NLGN4X: variants seen among roughly 807,000 people sequenced by gnomAD.
NLGN4X encodes the protein neuroligin-4, X-linked.
Under a neutral mutation model 40.3 loss-of-function variants are expected in NLGN4X, and 3 were observed. The ratio of observed to expected loss-of-function variants is 0.07; its 90% CI spans 0.03 to 0.19. The LOEUF is 0.19. NLGN4X is among the 10% of genes least tolerant of loss of function. The pLI, the probability that NLGN4X is intolerant of heterozygous loss-of-function variation, is 1.00. For synonymous variants in NLGN4X, 270 were observed against 306.8 expected, an observed-to-expected ratio of 0.88 and a Z score of 1.25; for missense variants, 382 against 708.3, an observed-to-expected ratio of 0.54 and a Z score of 5.23.
At chrX:6,027,811 GTAT>G (rs1183498834) in intron 3 of NLGN4X, among the ~76,000 whole-genome samples, 2 of 94,006 alleles carry the variant, frequency 2.1e-5, no homozygotes, top group African/African-American at 7.0e-5. Context: ...TTTATTACTA[GTAT>G]TATTATTATT....
intron 2 of NLGN4X, among the ~76,000 whole-genome samples, chrX:6,089,099 ATAG>A (rs1247131667): frequency 8.9e-6 from 1 of 112,483 alleles, no homozygotes; most frequent in Non-Finnish European, 1.9e-5. Flanking sequence ...TGTATTATCC[ATAG>A]TAGTAAGAAA....
Position 5,890,954 on chromosome X carries a change from G to C in NLGN4X, c.*1863C>G. ...GCCAGGCAGCTGGACAATTTTTATGGGGAATGTCCACTTTAGCGGAGAGAT... is the reference window on the plus strand; with the variant it reads ...GCCAGGCAGCTGGACAATTTTTATGCGGAATGTCCACTTTAGCGGAGAGAT... On this transcript the variant is annotated 3_prime_UTR_variant, in exon 6 of 6. Transcript: ENST00000381095. 1 of 313,021 alleles carries C rather than the reference G, an allele frequency of 3.2e-6. No homozygotes were observed. Among genetic ancestry groups the C allele is most frequent in the Non-Finnish European group, 6.1e-6 (1 of 164,291 alleles). The allele number at this position is 313,021 out of a possible 1,213,427, so 25.8% of individuals were successfully genotyped here.
intron 3 of NLGN4X, among the ~76,000 whole-genome samples, chrX:6,013,752 G>A (rs1385114039): frequency 9.0e-6 from 1 of 110,696 alleles, no homozygotes; most frequent in Non-Finnish European, 1.9e-5. Flanking sequence ...CAGCTTCTCA[G>A]GAGGGTGAGA....
intron 2 of NLGN4X, among the ~76,000 whole-genome samples, chrX:6,109,889 T>C (rs930548167): frequency 8.9e-5 from 10 of 111,959 alleles, no homozygotes; most frequent in Admixed American, 2.9e-4. Context: ...CTCCTAATTA[T>C]AGCAGTTAGG....
At chrX:6,093,027 C>T (rs1454058483) in intron 2 of NLGN4X, among the ~76,000 whole-genome samples, 1 of 100,277 alleles carries the variant, frequency 1.0e-5, no homozygotes, top group Non-Finnish European at 2.0e-5. Context: ...TCCAAAGGCA[C>T]AGAAACCATA....
intron 3 of NLGN4X, among the ~76,000 whole-genome samples, chrX:5,996,054 A>G (rs763720462): frequency 3.1e-4 from 34 of 107,978 alleles, no homozygotes; most frequent in Admixed American, 2.8e-3. Context: ...ACAGATACCT[A>G]AAAGTATCCT....
chrX:6,205,457 G>A (rs1923951820), intron 1 of NLGN4X, among the ~76,000 whole-genome samples: 1 of 112,265 alleles, frequency 8.9e-6, no homozygotes, highest in Non-Finnish European at 1.9e-5. Context: ...GTTAAAGAGG[G>A]TCGCATTAAT....
At chrX:6,010,513 T>TTTATTACTATTATTATTATTATTA in intron 3 of NLGN4X, among the ~76,000 whole-genome samples, 1 of 95,389 alleles carries the variant, frequency 1.0e-5, no homozygotes, top group East Asian at 3.4e-4. Context: ...TTCTTTTTAT[T>TTTATTACTATTATTATTATTATTA]TTATTATTAT....
chrX:6,100,909 T>C (rs180734490), intron 2 of NLGN4X, among the ~76,000 whole-genome samples: 100 of 111,229 alleles, frequency 9.0e-4, no homozygotes, highest in Middle Eastern at 9.2e-3. Flanking sequence ...TTTCTCCTCA[T>C]CCTTCTCAAT....
chrX:5,983,774 A>C (rs1335141736), intron 3 of NLGN4X, among the ~76,000 whole-genome samples: 1 of 111,658 alleles, frequency 9.0e-6, no homozygotes, highest in East Asian at 2.8e-4. Flanking sequence ...CTAGTCTCTA[A>C]AAAAATTTTA....
At chrX:6,182,189 G>T (rs967329152) in intron 1 of NLGN4X, among the ~76,000 whole-genome samples, 1 of 111,799 alleles carries the variant, frequency 8.9e-6, no homozygotes, top group Non-Finnish European at 1.9e-5. Context: ...GGAACTTAGG[G>T]CCAAATCACC....
intron 3 of NLGN4X, among the ~76,000 whole-genome samples, chrX:5,938,112 G>C (rs779991489): frequency 9.0e-6 from 1 of 111,676 alleles, no homozygotes; most frequent in Non-Finnish European, 1.9e-5. Flanking sequence ...TTTTGAGTGT[G>C]TGTATACATT....
intron 3 of NLGN4X, among the ~76,000 whole-genome samples, chrX:5,986,936 A>G (rs1318453817): frequency 1.8e-5 from 2 of 112,385 alleles, no homozygotes; most frequent in Non-Finnish European, 1.9e-5. Flanking sequence ...TATATAAACT[A>G]TACAGTTGAA....
chrX:6,056,498 T>C (rs1464203109), intron 2 of NLGN4X, among the ~76,000 whole-genome samples: 3 of 110,573 alleles, frequency 2.7e-5, no homozygotes, highest in African/African-American at 6.6e-5. Context: ...AGATAAAACA[T>C]AGATCAACAT....
chrX:6,017,887 A>G (rs1159998413), intron 3 of NLGN4X, among the ~76,000 whole-genome samples: 2 of 111,829 alleles, frequency 1.8e-5, no homozygotes, highest in Non-Finnish European at 3.8e-5. Context: ...TGTAAGTGTT[A>G]TAAGTATGTT....
chrX:6,030,721 C>T (rs1300290066), intron 2 of NLGN4X, among the ~76,000 whole-genome samples: 2 of 111,343 alleles, frequency 1.8e-5, no homozygotes, highest in Admixed American at 9.6e-5. Context: ...ATTTAATCCA[C>T]GGCAGAAAAG....
chrX:6,181,567 TG>T (rs1243335214), intron 1 of NLGN4X, among the ~76,000 whole-genome samples: 1 of 111,426 alleles, frequency 9.0e-6, no homozygotes, highest in African/African-American at 3.3e-5. Context: ...AGAAGCTTCT[TG>T]CTAATAGGGA....
intron 3 of NLGN4X, among the ~76,000 whole-genome samples, chrX:5,928,752 T>C (rs1380109738): frequency 8.9e-6 from 1 of 111,975 alleles, no homozygotes; most frequent in African/African-American, 3.2e-5. Context: ...AAAGATATCA[T>C]ACGGATAGAA....
chrX:5,944,786 T>C (rs897682847), intron 3 of NLGN4X, among the ~76,000 whole-genome samples: 3 of 111,851 alleles, frequency 2.7e-5, no homozygotes, highest in Non-Finnish European at 5.6e-5. Flanking sequence ...TCATTACTTT[T>C]GACAAGATAA....
Sources: allele counts gnomAD v4.1 joint callset (sites outside exome capture counted in the v4.1 genomes callset), GRCh38; gene constraint gnomAD v4.1.1; transcripts MANE v1.5; gene names NCBI Gene and HGNC (gene_info 2026-07-23, HGNC 2026-07-21).